The following GJB7 variants were observed in gnomAD, a reference collection of about 807,000 sequenced individuals.
GJB7 encodes gap junction protein beta 7.
For synonymous variants in GJB7, 87 were observed against 95.2 expected (o/e 0.91, Z 0.50); for missense variants, 253 against 256.8 (o/e 0.99, Z 0.10).
intron 2 of GJB7, among the ~76,000 whole-genome samples, chr6:87,286,086 T>C (rs1321605412): frequency 6.6e-6 from 1 of 152,186 alleles, no homozygotes; most frequent in Non-Finnish European, 1.5e-5. Context: ...AAGAATTCTG[T>C]CCTTTGCTCT....
chr6:87,304,200 A>G (rs1419789750), intron 2 of GJB7, among the ~76,000 whole-genome samples: 1 of 152,132 alleles, frequency 6.6e-6, no homozygotes, highest in Non-Finnish European at 1.5e-5. Context: ...GGAGACAGAG[A>G]CACAAAAAAA....
At chr6:87,324,567 A>T (rs1776767913) in intron 1 of GJB7, among the ~76,000 whole-genome samples, 1 of 151,102 alleles carries the variant, frequency 6.6e-6, no homozygotes, top group Admixed American at 6.6e-5. Context: ...TTTGTCAAAG[A>T]TCAGATAGTT....
At chr6:87,299,182 T>A in intron 2 of GJB7, 1 of 451,098 alleles carries the variant, frequency 2.2e-6, no homozygotes, top group Non-Finnish European at 4.5e-6. Context: ...AAATCAGAAG[T>A]GTGATGTTAG....
chr6:87,327,304 G>T (rs1278602762), intron 1 of GJB7, among the ~76,000 whole-genome samples: 5 of 150,714 alleles, frequency 3.3e-5, no homozygotes, highest in Non-Finnish European at 7.4e-5. Flanking sequence ...ATTTGATCCT[G>T]TCATTATGTT....
At chr6:87,323,266 TTTTG>T (rs149864305) in intron 1 of GJB7, among the ~76,000 whole-genome samples, 60,037 of 151,850 alleles carry the variant, frequency 0.4, 12,784 homozygotes, top group Non-Finnish European at 0.48. Context: ...TTTTGTTTTG[TTTTG>T]TTTATTTATT....
At position 87,306,776 on chromosome 6, in the gene GJB7, T is replaced by A. The variant is rs540527462; in HGVS notation, c.-28+16090A>T. Among the ~76,000 whole-genome samples the A allele has an allele frequency of 1.3e-3, 194 of 152,268 alleles. 1 individual carries two copies. The highest frequency in any genetic ancestry group is 0.012 in the South Asian group (60 of 4,818). On this transcript the variant is annotated intron_variant, in intron 2 of 2. Transcript: ENST00000525899. ...AATAGCAAAGACTTGGAACCAACCC[T>A]AATGTCCAACAATGATAGACTGGAT...
intron 2 of GJB7, among the ~76,000 whole-genome samples, chr6:87,286,382 A>G (rs1486003594): frequency 6.6e-6 from 1 of 152,126 alleles, no homozygotes; most frequent in East Asian, 1.9e-4. Flanking sequence ...AATTGCCCAC[A>G]AAGTTCTTCA....
intron 2 of GJB7, among the ~76,000 whole-genome samples, chr6:87,290,756 C>T (rs1776156685): frequency 6.6e-6 from 1 of 152,134 alleles, no homozygotes; most frequent in Non-Finnish European, 1.5e-5. Context: ...CTCAGCCACG[C>T]CTAAATGTTT....
At chr6:87,312,776 G>A (rs1311428700) in intron 2 of GJB7, among the ~76,000 whole-genome samples, 2 of 151,976 alleles carry the variant, frequency 1.3e-5, no homozygotes, top group Admixed American at 6.6e-5. Context: ...CTCTTTACCC[G>A]CCTCCCTATT....
chr6:87,311,615 AGGACTGGT>A (rs1327863662), intron 2 of GJB7, among the ~76,000 whole-genome samples: 1 of 152,242 alleles, frequency 6.6e-6, no homozygotes, highest in African/African-American at 2.4e-5. Context: ...ACAGTATTTT[AGGACTGGT>A]GGACACAGTA....
At chr6:87,301,658 C>G (rs988896999) in intron 2 of GJB7, among the ~76,000 whole-genome samples, 1 of 152,206 alleles carries the variant, frequency 6.6e-6, no homozygotes, top group East Asian at 1.9e-4. Context: ...TTAAATGTCC[C>G]TGTCTGACAG....
At chr6:87,294,582 C>CTTTATTT (rs1383945543) in intron 2 of GJB7, among the ~76,000 whole-genome samples, 1 of 152,204 alleles carries the variant, frequency 6.6e-6, no homozygotes, top group Non-Finnish European at 1.5e-5. Flanking sequence ...CAGCAGTATC[C>CTTTATTT]CTCCCAAGAG....
At chr6:87,292,798 G>C (rs1020415218) in intron 2 of GJB7, among the ~76,000 whole-genome samples, 1 of 152,180 alleles carries the variant, frequency 6.6e-6, no homozygotes, top group African/African-American at 2.4e-5. Context: ...CATAACCAGA[G>C]AGTGGCCTGC....
chr6:87,319,422 T>C (rs1776626007), intron 2 of GJB7, among the ~76,000 whole-genome samples: 1 of 152,240 alleles, frequency 6.6e-6, no homozygotes, highest in Non-Finnish European at 1.5e-5. Flanking sequence ...GATCACTTTC[T>C]ATTGATCATG....
Position 87,293,197 on chromosome 6 carries a change from A to G in GJB7, c.-27-8258T>C, listed in dbSNP as rs532833763. 6.2e-4 allele frequency among the ~76,000 whole-genome samples: 94 copies of G among 152,084 alleles called. No individual in the cohort carries two copies. In the Middle Eastern group the frequency reaches 0.01, roughly 17 times the overall value. ...CAGGCACGCGCCACCACGCCCAGCT[A>G]ATTTTTTTATTTTTAGTAGAGACAG... On this transcript the variant is annotated intron_variant, in intron 2 of 2. Coordinates refer to ENST00000525899, the MANE Select transcript of GJB7 (RefSeq NM_198568.3).
intron 2 of GJB7, among the ~76,000 whole-genome samples, chr6:87,302,363 G>A (rs992804970): frequency 2.0e-5 from 3 of 152,244 alleles, no homozygotes; most frequent in Non-Finnish European, 2.9e-5. Flanking sequence ...ACCATGGCAC[G>A]AGAACTACAT....
intron 2 of GJB7, among the ~76,000 whole-genome samples, chr6:87,288,172 A>G (rs113977648): frequency 1.3e-5 from 2 of 152,310 alleles, no homozygotes; most frequent in African/African-American, 4.8e-5. Context: ...AAGTGCTGGG[A>G]TTACAGGCAT....
chr6:87,287,175 T>C (rs1033764226), intron 2 of GJB7, among the ~76,000 whole-genome samples: 2 of 152,226 alleles, frequency 1.3e-5, no homozygotes, highest in African/African-American at 4.8e-5. Flanking sequence ...CCTGTAGATA[T>C]GGGCTAGAGC....
At chr6:87,328,933 C>G (rs1475725799) in intron 1 of GJB7, among the ~76,000 whole-genome samples, 4 of 152,198 alleles carry the variant, frequency 2.6e-5, no homozygotes, top group African/African-American at 4.8e-5. Flanking sequence ...CTCCGAACCA[C>G]GTGCGGGATA....
Sources: allele counts gnomAD v4.1 joint callset (sites outside exome capture counted in the v4.1 genomes callset), GRCh38; gene constraint gnomAD v4.1.1; transcripts MANE v1.5; gene names NCBI Gene and HGNC (gene_info 2026-07-23, HGNC 2026-07-21).